Variants in MANSC1 observed in about 807,000 individuals in gnomAD.
The protein encoded by MANSC1 is MANSC domain-containing protein 1.
In MANSC1, 13 loss-of-function variants were observed where a neutral mutation model predicts 14.1. That is an observed-to-expected ratio of 0.92 (90% CI 0.60 to 1.46). The LOEUF is 1.46. MANSC1 is among the 40% of genes most tolerant of loss of function. MANSC1 has a pLI of 0.00. For missense variants in MANSC1, 486 were observed against 511.4 expected (o/e 0.95, Z 0.48); for synonymous variants, 227 against 200.7 (o/e 1.13, Z -1.11).
At chr12:12,348,174 C>T (rs1863032277) in intron 1 of MANSC1, 1 of 152,140 alleles carries the variant, frequency 6.6e-6, no homozygotes, top group South Asian at 2.1e-4. Context: ...TAAATGCAGC[C>T]TTACCATACA....
intron 3 of MANSC1, among the ~76,000 whole-genome samples, chr12:12,332,559 C>T (rs544100308): frequency 6.6e-6 from 1 of 152,154 alleles, no homozygotes; most frequent in Admixed American, 6.6e-5. Flanking sequence ...CTCACTCTGT[C>T]GCCCAGGCTG....
At position 12,330,164 on chromosome 12, in the gene MANSC1, TAAG is replaced by T; in HGVS notation, c.1156_1158del (p.Leu386del). On this transcript the variant is annotated inframe_deletion, in exon 4 of 4. Transcript: ENST00000535902. ...AGGACACCAAAGAGCAGGGACCCGA[TAAG>T]AAGCCATTTTTCAAATGGAAGGCCG... The T allele has an allele frequency of 6.2e-7, 1 of 1,614,034 alleles. No homozygotes were observed. Among genetic ancestry groups the T allele is most frequent in the Non-Finnish European group, 8.5e-7 (1 of 1,180,008 alleles).
intron 3 of MANSC1, among the ~76,000 whole-genome samples, chr12:12,336,967 A>G (rs1055538670): frequency 2.0e-5 from 3 of 152,196 alleles, no homozygotes; most frequent in African/African-American, 7.2e-5. Flanking sequence ...ACTTTCTAAA[A>G]CTTAAATAAA....
rs1440002463 is a variant in MANSC1, at chr12:12,330,258, A to G, written c.1065T>C (p.Ala355=). 2 of 1,614,212 alleles carry G rather than the reference A, an allele frequency of 1.2e-6. No individual in the cohort carries two copies. Among genetic ancestry groups the G allele is most frequent in the Non-Finnish European group, 8.5e-7 (1 of 1,180,044 alleles). ...GACTGGCCTCCCTACCTTCCCAGGAAGCAGTTTTATTCATAGTGGAAGACT... is the reference window on the plus strand; with the variant it reads ...GACTGGCCTCCCTACCTTCCCAGGAGGCAGTTTTATTCATAGTGGAAGACT... ...NVESSTMNKT[A]SWEGREASPG... The change falls in exon 4 of 4, where the codon GCT becomes GCC. Residue 355 remains alanine (A), a synonymous_variant. Transcript: ENST00000535902.
In MANSC1 at chr12:12,330,474, A is replaced by T. The variant is rs200318259; in HGVS notation, c.849T>A (p.Ile283=). ...CCGCAGCCCGTGTAAAAACTGTAGA[A>T]ATGAGGGTCGTGGGAGGCTGAGAAG... The part of the protein sequence containing the change: ...TVTSQPPTTL[I]STVFTRAAAT... The change falls in exon 4 of 4, where the codon ATT becomes ATA. Residue 283 remains isoleucine (I), a synonymous_variant. Transcript: ENST00000535902. The T allele has an allele frequency of 1.2e-6, 2 of 1,613,894 alleles. No homozygotes were observed. Among genetic ancestry groups the T allele is most frequent in the East Asian group, 4.5e-5 (2 of 44,878 alleles).
rs111476318 is a variant in MANSC1 at position 12,334,511 on chromosome 12, A to T, written c.365-3553T>A. Among the ~76,000 whole-genome samples, 653 of 152,248 alleles carry T rather than the reference A, an allele frequency of 4.3e-3. 3 individuals are homozygous for T. The highest frequency in any genetic ancestry group is 0.015 in the African/African-American group (626 of 41,536). The stretch of plus-strand genomic sequence containing the variant: ...AGATATAAACAGTCCTTTGCATACT[A>T]TGTCCGGGGTTGGTGCCACGTTGCC... On this transcript the variant is annotated intron_variant, in intron 3 of 3. Transcript: ENST00000535902.
At chr12:12,337,922 A>G (rs1862879602) in intron 3 of MANSC1, among the ~76,000 whole-genome samples, 1 of 152,224 alleles carries the variant, frequency 6.6e-6, no homozygotes, top group African/African-American at 2.4e-5. Flanking sequence ...TTCTTGAATG[A>G]ATTTCCTTTC....
intron 1 of MANSC1, 28 bp from the exon 2 acceptor site, chr12:12,343,442 G>C: frequency 3.3e-6 from 2 of 615,314 alleles, no homozygotes; most frequent in Non-Finnish European, 5.7e-6. Flanking sequence ...AATCATCAAT[G>C]AGTTTTGTTT....
chr12:12,349,219 G>A (rs1207774572), intron 1 of MANSC1, among the ~76,000 whole-genome samples: 1 of 152,064 alleles, frequency 6.6e-6, no homozygotes, highest in East Asian at 1.9e-4. Flanking sequence ...ACCTTATCGT[G>A]GACTCCCCAG....
intron 3 of MANSC1, among the ~76,000 whole-genome samples, chr12:12,331,878 T>A (rs769399491): frequency 9.2e-5 from 14 of 152,102 alleles, no homozygotes; most frequent in Non-Finnish European, 1.9e-4. Flanking sequence ...TCTCAAAGAT[T>A]AGAATTTTGG....
At chr12:12,334,735 G>C (rs1009123268) in intron 3 of MANSC1, among the ~76,000 whole-genome samples, 2 of 152,174 alleles carry the variant, frequency 1.3e-5, no homozygotes, top group African/African-American at 2.4e-5. Flanking sequence ...CATTACAAAA[G>C]TAACAACACT....
Position 12,326,584 on chromosome 12 carries a change from G to A in MANSC1, c.*3443C>T, listed in dbSNP as rs1565787589. ...ACAGTATTCATCCAGGAGTCCTCAG[G>A]TTTTTTAAGAGTTTTTTAGTTTTTT... On this transcript the variant is annotated 3_prime_UTR_variant, in exon 4 of 4. Transcript: ENST00000535902. 1 of 149,764 alleles carries A rather than the reference G, an allele frequency of 6.7e-6. No individual in the cohort carries two copies. The highest frequency in any genetic ancestry group is 1.5e-5 in the Non-Finnish European group (1 of 67,610). The allele number at this position is 149,764 out of a possible 1,614,324, so 9.3% of individuals were successfully genotyped here. A position where few individuals can be genotyped will look rare whatever the true frequency, so the allele number is the denominator to read the frequency against.
intron 2 of MANSC1, 99 bp downstream of exon 2, chr12:12,342,993 C>A: frequency 1.2e-6 from 1 of 824,134 alleles, no homozygotes; most frequent in Admixed American, 2.0e-5. Flanking sequence ...TATTCATACC[C>A]TGTCGAGAAT....
At chr12:12,333,945 T>C (rs1379541315) in intron 3 of MANSC1, among the ~76,000 whole-genome samples, 1 of 152,126 alleles carries the variant, frequency 6.6e-6, no homozygotes, top group Non-Finnish European at 1.5e-5. Flanking sequence ...TAAATATTAG[T>C]CAATGGGATA....
At chr12:12,349,055 A>G (rs1375399306) in intron 1 of MANSC1, among the ~76,000 whole-genome samples, 1 of 152,236 alleles carries the variant, frequency 6.6e-6, no homozygotes, top group African/African-American at 2.4e-5. Context: ...GCAACAAGTC[A>G]TGTGATATAA....
At chr12:12,349,754 A>G (rs1863053514) in intron 1 of MANSC1, among the ~76,000 whole-genome samples, 1 of 152,244 alleles carries the variant, frequency 6.6e-6, no homozygotes, top group Non-Finnish European at 1.5e-5. Flanking sequence ...TACAGAGTCA[A>G]CGACAAGAAA....
rs1315240465 is a variant in MANSC1 at position 12,330,689 on chromosome 12, C to T, written c.634G>A (p.Asp212Asn). 3.7e-6 allele frequency: 6 copies of T among 1,614,086 alleles called. No individual in the cohort carries two copies. The highest frequency in any genetic ancestry group is 1.1e-5 in the South Asian group (1 of 91,084). Residue 212 changes from aspartate to asparagine, a missense_variant, in exon 4 of 4, where the codon GAT (aspartate) becomes AAT (asparagine). Coordinates refer to ENST00000535902, the MANE Select transcript of MANSC1 (RefSeq NM_018050.4). Reference protein sequence around the residue: ...GHSQSSQFSSDQEIAHLLPEN... With the variant: ...GHSQSSQFSSNQEIAHLLPEN... Reference sequence around the variant, plus strand: ...GGCAGCAGATGAGCTATTTCTTGATCAGAGGAAAATTGTGAACTCTGAGAA... The same window carrying T: ...GGCAGCAGATGAGCTATTTCTTGATTAGAGGAAAATTGTGAACTCTGAGAA...
At chr12:12,336,474 A>T (rs1862860431) in intron 3 of MANSC1, among the ~76,000 whole-genome samples, 1 of 151,992 alleles carries the variant, frequency 6.6e-6, no homozygotes, top group Non-Finnish European at 1.5e-5. Flanking sequence ...TTTATTTATT[A>T]TGGTTATTGT....
intron 3 of MANSC1, among the ~76,000 whole-genome samples, chr12:12,331,672 G>T (rs1023445486): frequency 6.6e-6 from 1 of 152,144 alleles, no homozygotes; most frequent in African/African-American, 2.4e-5. Context: ...AATAGAGCAG[G>T]AGAGAGGGAG....
Sources: gnomAD v4.1 joint callset for allele counts (sites outside exome capture counted in the v4.1 genomes callset) on GRCh38, gnomAD v4.1.1 for gene constraint, MANE v1.5 for transcripts, NCBI Gene and HGNC (gene_info 2026-07-23, HGNC 2026-07-21) for gene names.